The following CTC1 variants were observed in gnomAD, a reference collection of about 807,000 sequenced individuals.
CTC1 encodes CST complex subunit CTC1.
Under a neutral mutation model 136.3 loss-of-function variants are expected in CTC1, and 91 were observed. That is an observed-to-expected ratio of 0.67 (90% confidence interval 0.56 to 0.79). The LOEUF is 0.79. CTC1 is among the 30% of genes least tolerant of loss of function. The pLI, the probability that CTC1 is intolerant of heterozygous loss-of-function variation, is 0.00. For synonymous variants in CTC1, 606 were observed against 613.8 expected (o/e 0.99, Z 0.19); for missense variants, 1,432 against 1,498.1 (o/e 0.96, Z 0.73).
At chr17:8,234,151 C>A (rs144793229) in intron 10 of CTC1, among the ~76,000 whole-genome samples, 1 of 152,106 alleles carries the variant, frequency 6.6e-6, no homozygotes, top group African/African-American at 2.4e-5. Context: ...CTAATTAAGA[C>A]AACTTTTTTG....
Position 8,233,048 on chromosome 17 carries a change from G to A in CTC1, c.1819-16C>T. On this transcript the variant is annotated splice_polypyrimidine_tract_variant and intron_variant, in intron 10 of 22. Transcript: ENST00000651323. ...CAAGTAAAACCTGCAAGAAGATGAA[G>A]GTTGAGTTATCAAATGTTTATTCAG... The A allele has an allele frequency of 6.2e-7, 1 of 1,613,254 alleles. No individual in the cohort carries two copies. The highest frequency in any genetic ancestry group is 8.5e-7 in the Non-Finnish European group (1 of 1,179,364).
At chr17:8,237,026 A>G (rs1987784374) in intron 5 of CTC1, among the ~76,000 whole-genome samples, 1 of 137,928 alleles carries the variant, frequency 7.3e-6, no homozygotes, top group Non-Finnish European at 1.6e-5. Context: ...AAGAGTCAAC[A>G]GTAAGTACCA....
At chr17:8,242,952 T>A (rs781021896) in intron 2 of CTC1, 33 bp downstream of exon 2, 1 of 1,579,590 alleles carries the variant, frequency 6.3e-7, no homozygotes, top group Non-Finnish European at 8.6e-7. Flanking sequence ...TACCTGCCCC[T>A]GCCCAGCCCC....
intron 1 of CTC1, among the ~76,000 whole-genome samples, chr17:8,244,491 C>T (rs868434596): frequency 1.4e-4 from 22 of 152,200 alleles, no homozygotes; most frequent in African/African-American, 4.8e-4. Flanking sequence ...TCCTCCAATG[C>T]TCATATATTA....
At position 8,226,986 on chromosome 17, in the gene CTC1, C is replaced by G. The variant is rs1490603705; in HGVS notation, c.*1194G>C. ...ACAAAACACACACAAAAAAAAGCCA[C>G]CCACTGGCCCGTACGGGGTTCGAAC... On this transcript the variant is annotated 3_prime_UTR_variant, in exon 23 of 23. Transcript: ENST00000651323. The G allele has an allele frequency of 6.6e-6, 1 of 152,538 alleles. No homozygotes were observed. Among genetic ancestry groups the G allele is most frequent in the Non-Finnish European group, 1.5e-5 (1 of 68,022 alleles). 9.4% of individuals were successfully genotyped at this position (152,538 alleles called of 1,614,324 possible).
At position 8,230,483 on chromosome 17, in the gene CTC1, TG is replaced by T. The variant is rs1987122551; in HGVS notation, c.2759-16del. ...CCCCGTGTTCCCTATAGAAGGAAGGTGGGTGTTAGTAGGATCTGTGAAGTCC... is the reference window on the plus strand; with the variant it reads ...CCCCGTGTTCCCTATAGAAGGAAGGTGGTGTTAGTAGGATCTGTGAAGTCC... On this transcript the variant is annotated splice_polypyrimidine_tract_variant and intron_variant, in intron 16 of 22. Coordinates refer to ENST00000651323, the MANE Select transcript of CTC1 (RefSeq NM_025099.6). 6.2e-7 allele frequency: 1 copy of T among 1,613,718 alleles called. No homozygotes were observed. Among genetic ancestry groups the T allele is most frequent in the Non-Finnish European group, 8.5e-7 (1 of 1,179,710 alleles).
chr17:8,238,426 T>C lies in CTC1; in HGVS notation c.401A>G (p.Tyr134Cys), dbSNP rs2151531350. The C allele has an allele frequency of 6.2e-7, 1 of 1,614,158 alleles. No individual in the cohort carries two copies. The highest frequency in any genetic ancestry group is 8.5e-7 in the Non-Finnish European group (1 of 1,180,012). The change falls in exon 3 of 23, where the codon TAT becomes TGT. Residue 134 changes from tyrosine to cysteine, a missense_variant. Physicochemically the swap from Tyr to Cys is radical, Grantham distance 194. Coordinates refer to ENST00000651323, the MANE Select transcript of CTC1 (RefSeq NM_025099.6). ...CAGGACGCCAGTGTTATCTCTCACA[T>C]AGAGGCTTCCGTTCCTGCACTCTTG... ...LEQECRNGSLYVRDNTGVLSC... is the reference protein window; with the variant it reads ...LEQECRNGSLCVRDNTGVLSC...
At chr17:8,236,435 C>A in intron 5 of CTC1, 93 bp from the exon 6 acceptor site, 1 of 1,351,434 alleles carries the variant, frequency 7.4e-7, no homozygotes. Flanking sequence ...AACTCAGAGA[C>A]CTGCCCTCTG....
chr17:8,234,992 C>A, intron 8 of CTC1, 61 bp downstream of exon 8: 1 of 1,603,314 alleles, frequency 6.2e-7, no homozygotes, highest in South Asian at 1.1e-5. Context: ...ATCCTGCTCT[C>A]CTTGCCAAGG....
chr17:8,229,119 G>T, intron 20 of CTC1, 23 bp downstream of exon 20: 1 of 1,610,662 alleles, frequency 6.2e-7, no homozygotes, highest in Non-Finnish European at 8.5e-7. Flanking sequence ...ATGGCACAAT[G>T]GGTGCACGCC....
chr17:8,226,988 C>A lies in CTC1; in HGVS notation c.*1192G>T. 1 of 152,654 alleles carries A rather than the reference C, an allele frequency of 6.6e-6. No individual in the cohort carries two copies. The highest frequency in any genetic ancestry group is 1.9e-4 in the South Asian group (1 of 5,170). 9.5% of individuals were successfully genotyped at this position (152,654 alleles called of 1,614,324 possible). A position where few individuals can be genotyped will look rare whatever the true frequency, so the allele number is the denominator to read the frequency against. On this transcript the variant is annotated 3_prime_UTR_variant, in exon 23 of 23. Transcript: ENST00000651323. The stretch of plus-strand genomic sequence containing the variant: ...AAAACACACACAAAAAAAAGCCACC[C>A]ACTGGCCCGTACGGGGTTCGAACCC...
Position 8,235,248 on chromosome 17 carries a change from C to A in CTC1, c.1244G>T (p.Gly415Val). 2 of 1,614,012 alleles carry A rather than the reference C, an allele frequency of 1.2e-6. No individual in the cohort carries two copies. The highest frequency in any genetic ancestry group is 1.7e-6 in the Non-Finnish European group (2 of 1,179,964). Residue 415 changes from glycine to valine, a missense_variant, in exon 8 of 23, where the codon GGG becomes GTG. Transcript: ENST00000651323. ...DVHLLQSVGG[G>V]TRRPVLAPCL... ...GGGGGCGAGCACTGGCCTTCTTGTC[C>A]CCCCTCCCACTGACTGGAGCAGGTG...
In CTC1 at chr17:8,230,472, T is replaced by C. The variant is rs374727205; in HGVS notation, c.2759-4A>G. ...CTTCTCATGGCCCCCGTGTTCCCTA[T>C]AGAAGGAAGGTGGGTGTTAGTAGGA... On this transcript the variant is annotated splice_polypyrimidine_tract_variant and splice_region_variant and intron_variant, in intron 16 of 22. Coordinates refer to ENST00000651323, the MANE Select transcript of CTC1 (RefSeq NM_025099.6). 3.0e-5 allele frequency: 48 copies of C among 1,613,690 alleles called. No individual in the cohort carries two copies. The highest frequency in any genetic ancestry group is 3.8e-5 in the Non-Finnish European group (45 of 1,179,826).
At chr17:8,230,893 T>C (rs1341238830) in intron 15 of CTC1, 2 of 530,156 alleles carry the variant, frequency 3.8e-6, no homozygotes, top group Admixed American at 3.3e-5. Context: ...TCCCAGCACT[T>C]TGGGAGGCTG....
Position 8,234,657 on chromosome 17 carries a change from T to C in CTC1, c.1618-2A>G. ...GGAGGGAGTCTGCAGCCGAGTGTAC[T>C]GTCAAGGAGGGAAGAGAAATCGGGT... is the stretch of plus-strand genomic sequence containing the variant. On this transcript the variant is annotated splice_acceptor_variant, in intron 9 of 22. Coordinates refer to ENST00000651323, the MANE Select transcript of CTC1 (RefSeq NM_025099.6). LOFTEE classifies it high-confidence loss of function. 1.2e-6 allele frequency: 2 copies of C among 1,604,118 alleles called. No homozygotes were observed. Among genetic ancestry groups the C allele is most frequent in the South Asian group, 1.1e-5 (1 of 90,268 alleles).
At chr17:8,241,849 CAAAA>C (rs59476896) in intron 2 of CTC1, among the ~76,000 whole-genome samples, 1 of 96,350 alleles carries the variant, frequency 1.0e-5, no homozygotes, top group Non-Finnish European at 1.9e-5. Context: ...GACCCTGTCT[CAAAA>C]AAAAAAAAAA....
At position 8,232,086 on chromosome 17, in the gene CTC1, CAAG is replaced by C; in HGVS notation, c.2199_2201del (p.Phe733del). 6.4e-7 allele frequency: 1 copy of C among 1,553,000 alleles called. No individual in the cohort carries two copies. The highest frequency in any genetic ancestry group is 1.4e-5 in the African/African-American group (1 of 72,602). On this transcript the variant is annotated inframe_deletion, in exon 13 of 23. Transcript: ENST00000651323. ...TCATGAGGGCCTCCTTGTGGCAGAG[CAAG>C]AAGAGCCGGCTCTGTCCTAGGTGGG...
At position 8,226,965 on chromosome 17, in the gene CTC1, AAC is replaced by A. The variant is rs982269968; in HGVS notation, c.*1213_*1214del. The stretch of plus-strand genomic sequence containing the variant: ...ATAACAGCAGAGGGTCAGAAAACAA[AAC>A]ACACACAAAAAAAAGCCACCCACTG... On this transcript the variant is annotated 3_prime_UTR_variant, in exon 23 of 23. Transcript: ENST00000651323. 2.0e-5 allele frequency: 3 copies of A among 152,340 alleles called. No individual in the cohort carries two copies. The highest frequency in any genetic ancestry group is 1.5e-5 in the Non-Finnish European group (1 of 68,014). The allele number at this position is 152,340 out of a possible 1,614,324, so 9.4% of individuals were successfully genotyped here.
chr17:8,232,464 G>A lies in CTC1; in HGVS notation c.1957C>T (p.Arg653Trp), dbSNP rs200222583. ...SDPRLIGCLVRAERFQLIVER... is the reference protein window; with the variant it reads ...SDPRLIGCLVWAERFQLIVER... ...ACGATCAACTGAAACCTCTCTGCCC[G>A]CACCAGGCAGCCTAGAGGAAGAAAG... is the stretch of plus-strand genomic sequence containing the variant. Residue 653 changes from arginine (R) to tryptophan (W), a missense_variant, in exon 12 of 23, where the codon CGG becomes TGG. Transcript: ENST00000651323. The A allele has an allele frequency of 4.4e-5, 71 of 1,613,462 alleles. No individual in the cohort carries two copies. The highest frequency in any genetic ancestry group is 8.3e-5 in the Admixed American group (5 of 59,932).
Sources: gnomAD v4.1 joint callset for allele counts (sites outside exome capture counted in the v4.1 genomes callset) on GRCh38, gnomAD v4.1.1 for gene constraint, MANE v1.5 for transcripts, NCBI Gene and HGNC (gene_info 2026-07-23, HGNC 2026-07-21) for gene names.